Variants in TESK2 observed in about 807,000 individuals in gnomAD.
TESK2 encodes dual specificity testis-specific protein kinase 2.
Under a neutral mutation model 57.1 loss-of-function variants are expected in TESK2, and 39 were observed. That is an observed-to-expected ratio of 0.68 (90% CI 0.53 to 0.89). The LOEUF is 0.89. Among genes scored for constraint, TESK2 ranks in the 40% least tolerant of loss-of-function variants. The pLI is 0.00. For synonymous variants in TESK2, 249 were observed against 267.9 expected (o/e 0.93, Z 0.69); for missense variants, 646 against 732.1 (o/e 0.88, Z 1.36).
intron 1 of TESK2, among the ~76,000 whole-genome samples, chr1:45,482,600 T>TAAAAAAAA (rs34879699): frequency 7.3e-6 from 1 of 137,372 alleles, no homozygotes. Flanking sequence ...GGTCAGCCAT[T>TAAAAAAAA]AAAAAAAAAA....
At chr1:45,408,507 G>A (rs913792973) in intron 3 of TESK2, among the ~76,000 whole-genome samples, 7 of 152,044 alleles carry the variant, frequency 4.6e-5, no homozygotes, top group East Asian at 1.9e-4. Context: ...AGCCAGGCCC[G>A]GCACAATGGG....
chr1:45,440,442 G>A (rs184604017), intron 2 of TESK2, among the ~76,000 whole-genome samples: 191 of 152,192 alleles, frequency 1.3e-3, no homozygotes, highest in Middle Eastern at 3.4e-3. Context: ...GGCTGGGCGC[G>A]GTGGCTCATG....
intron 1 of TESK2, among the ~76,000 whole-genome samples, chr1:45,477,528 G>A (rs1430959569): frequency 3.3e-5 from 5 of 150,982 alleles, no homozygotes; most frequent in African/African-American, 4.9e-5. Context: ...AGGCTGAGAC[G>A]GGAGAATCAC....
chr1:45,376,840 T>C (rs1648450474), intron 4 of TESK2, among the ~76,000 whole-genome samples: 1 of 152,152 alleles, frequency 6.6e-6, no homozygotes, highest in Non-Finnish European at 1.5e-5. Flanking sequence ...AGAGAGAATT[T>C]AGAATAGGAA....
intron 4 of TESK2, among the ~76,000 whole-genome samples, chr1:45,372,142 A>G (rs1374810431): frequency 1.3e-5 from 2 of 151,832 alleles, no homozygotes; most frequent in Non-Finnish European, 2.9e-5. Context: ...CAGCTACTCG[A>G]AAGGCTGAGA....
chr1:45,386,266 A>G (rs1648889617), intron 3 of TESK2, among the ~76,000 whole-genome samples: 1 of 150,500 alleles, frequency 6.6e-6, no homozygotes. Flanking sequence ...AATCCCTTGA[A>G]CCTGGAAGGC....
chr1:45,422,112 G>A (rs1170468893), intron 2 of TESK2, among the ~76,000 whole-genome samples: 2 of 152,148 alleles, frequency 1.3e-5, no homozygotes, highest in Non-Finnish European at 2.9e-5. Flanking sequence ...ATACTATGCA[G>A]TCATAAAAAG....
At chr1:45,428,182 T>C (rs1650782233) in intron 2 of TESK2, among the ~76,000 whole-genome samples, 1 of 152,230 alleles carries the variant, frequency 6.6e-6, no homozygotes, top group African/African-American at 2.4e-5. Context: ...TTATTTAATC[T>C]TGAAGATAAT....
At chr1:45,416,840 G>A (rs919462083) in intron 3 of TESK2, among the ~76,000 whole-genome samples, 5 of 151,166 alleles carry the variant, frequency 3.3e-5, no homozygotes, top group Non-Finnish European at 7.4e-5. Flanking sequence ...AGGCTGGAGC[G>A]CAGTGGTGCG....
chr1:45,456,760 A>G (rs1023302661), intron 2 of TESK2, among the ~76,000 whole-genome samples: 1 of 152,214 alleles, frequency 6.6e-6, no homozygotes, highest in African/African-American at 2.4e-5. Flanking sequence ...TCCATAGTAC[A>G]AGGTATAAAG....
At chr1:45,394,638 GT>G (rs1245205801) in intron 3 of TESK2, among the ~76,000 whole-genome samples, 1 of 102,436 alleles carries the variant, frequency 9.8e-6, no homozygotes, top group Admixed American at 1.1e-4. Flanking sequence ...ACAAATGACT[GT>G]TTATCACTGC....
intron 4 of TESK2, among the ~76,000 whole-genome samples, chr1:45,379,827 G>A (rs1288491006): frequency 6.6e-6 from 1 of 152,194 alleles, no homozygotes; most frequent in Non-Finnish European, 1.5e-5. Context: ...GGAATATTCT[G>A]CAACTGCAGA....
At chr1:45,347,191 C>T (rs1647155977) in intron 7 of TESK2, 129 bp from the exon 8 acceptor site, 3 of 718,538 alleles carry the variant, frequency 4.2e-6, no homozygotes, top group African/African-American at 1.8e-5. Context: ...CATACTTCAT[C>T]CCAGTCAGTC....
At chr1:45,424,367 C>T (rs1048388581) in intron 2 of TESK2, among the ~76,000 whole-genome samples, 2 of 152,104 alleles carry the variant, frequency 1.3e-5, no homozygotes, top group Non-Finnish European at 2.9e-5. Context: ...GAACCCTGAT[C>T]GGAAAAACTA....
chr1:45,396,195 G>C (rs1649348531), intron 3 of TESK2, among the ~76,000 whole-genome samples: 2 of 152,128 alleles, frequency 1.3e-5, no homozygotes, highest in Non-Finnish European at 2.9e-5. Flanking sequence ...CCATGTTCAA[G>C]TGATTCTCCC....
chr1:45,422,796 G>C (rs937021732), intron 2 of TESK2, among the ~76,000 whole-genome samples: 4 of 29,984 alleles, frequency 1.3e-4, no homozygotes, highest in African/African-American at 2.7e-4. Flanking sequence ...TTGAGACAGA[G>C]TCTTGCTCTG....
rs143542117 is a variant in TESK2 at position 45,369,678 on chromosome 1, G to A, written c.394-14229C>T. 3.0e-3 allele frequency among the ~76,000 whole-genome samples: 457 copies of A among 151,910 alleles called. 3 individuals are homozygous for A. Among genetic ancestry groups the A allele is most frequent in the African/African-American group, 0.01 (431 of 41,444 alleles). On this transcript the variant is annotated intron_variant, in intron 4 of 10. Transcript: ENST00000372086. ...GGAAAGGTTTTATGGGGAAATAAGC[G>A]GACTCTGAGGCCAGGTCTTGAAGGT...
At chr1:45,373,267 G>A (rs1189883489) in intron 4 of TESK2, among the ~76,000 whole-genome samples, 1 of 152,172 alleles carries the variant, frequency 6.6e-6, no homozygotes, top group Non-Finnish European at 1.5e-5. Flanking sequence ...CATAATGATG[G>A]CAGAAGGAAT....
At chr1:45,443,740 C>T (rs900461455) in intron 2 of TESK2, among the ~76,000 whole-genome samples, 1 of 152,108 alleles carries the variant, frequency 6.6e-6, no homozygotes, top group East Asian at 1.9e-4. Flanking sequence ...CACTGATATA[C>T]TTTTTATTTA....
Sources: gnomAD v4.1 joint callset for allele counts (sites outside exome capture counted in the v4.1 genomes callset) on GRCh38, gnomAD v4.1.1 for gene constraint, MANE v1.5 for transcripts, NCBI Gene and HGNC (gene_info 2026-07-23, HGNC 2026-07-21) for gene names.